The following CCR3 variants were observed in gnomAD, a reference collection of about 807,000 sequenced individuals.
CCR3 encodes C-C motif chemokine receptor 3, also known as C-C chemokine receptor type 3.
For missense variants in CCR3, 419 were observed against 437.5 expected (o/e 0.96, Z 0.38); for synonymous variants, 203 against 179.2 (o/e 1.13, Z -1.06).
At chr3:46,218,432 C>T (rs1699799967) in intron 2 of CCR3, among the ~76,000 whole-genome samples, 2 of 152,072 alleles carry the variant, frequency 1.3e-5, no homozygotes, top group East Asian at 1.9e-4. Flanking sequence ...GACACTATTC[C>T]AAAAGATAGA....
At chr3:46,234,588 T>C (rs1472927993) in intron 2 of CCR3, among the ~76,000 whole-genome samples, 2 of 152,034 alleles carry the variant, frequency 1.3e-5, no homozygotes, top group Non-Finnish European at 2.9e-5. Flanking sequence ...GTCTTGCAAT[T>C]GATGAGCACT....
chr3:46,242,763 T>C (rs1381785128), intron 1 of CCR3, among the ~76,000 whole-genome samples: 1 of 151,802 alleles, frequency 6.6e-6, no homozygotes, highest in Non-Finnish European at 1.5e-5. Flanking sequence ...CACACAATGA[T>C]AAGTTTGCGT....
At chr3:46,254,009 T>C (rs764061353) in intron 1 of CCR3, among the ~76,000 whole-genome samples, 4 of 152,174 alleles carry the variant, frequency 2.6e-5, no homozygotes, top group Non-Finnish European at 4.4e-5. Context: ...ATAGAAAGAT[T>C]TCCAAGACAT....
chr3:46,251,114 G>A (rs1420743151), intron 1 of CCR3, among the ~76,000 whole-genome samples: 1 of 152,044 alleles, frequency 6.6e-6, no homozygotes, highest in Non-Finnish European at 1.5e-5. Flanking sequence ...GAGAGAAGGG[G>A]TTGAGGTACT....
At chr3:46,217,617 G>T (rs1031863055) in intron 2 of CCR3, among the ~76,000 whole-genome samples, 5 of 151,984 alleles carry the variant, frequency 3.3e-5, no homozygotes, top group African/African-American at 1.2e-4. Flanking sequence ...CAAGTACTCC[G>T]TCAGACCACA....
At chr3:46,246,806 G>A (rs549572311) in intron 1 of CCR3, among the ~76,000 whole-genome samples, 14 of 152,216 alleles carry the variant, frequency 9.2e-5, no homozygotes, top group Admixed American at 5.2e-4. Context: ...TTGGAGGGTG[G>A]TATGGAGAGA....
intron 1 of CCR3, among the ~76,000 whole-genome samples, chr3:46,245,562 T>G (rs1700173709): frequency 6.6e-6 from 1 of 152,044 alleles, no homozygotes; most frequent in Non-Finnish European, 1.5e-5. Flanking sequence ...TTTTCCTTTT[T>G]TTTAACTTTT....
rs1700244707 is a variant in CCR3, at chr3:46,248,584, C to T, written c.-12+6046C>T. ...TCGGACAGGATCAGCAGGGAGAGCA[C>T]GTGTGTTTTTATGAGAATTATGCCG... is the stretch of plus-strand genomic sequence containing the variant. On this transcript the variant is annotated intron_variant, in intron 1 of 1. Coordinates refer to ENST00000395940, the MANE Select transcript of CCR3 (RefSeq NM_178329.3). Among the ~76,000 whole-genome samples, 2 of 152,118 alleles carry T rather than the reference C, an allele frequency of 1.3e-5. 1 individual carries two copies. Among genetic ancestry groups the T allele is most frequent in the Non-Finnish European group, 2.9e-5 (2 of 68,014 alleles).
chr3:46,254,461 T>A (rs1481398778), intron 1 of CCR3, among the ~76,000 whole-genome samples: 1 of 149,024 alleles, frequency 6.7e-6, no homozygotes, highest in African/African-American at 2.5e-5. Context: ...GGGAAGTATT[T>A]TTCCCCCCTG....
At chr3:46,229,638 ATTATGGGAGTTATTTAACAGATGT>A (rs1222979094) in intron 2 of CCR3, among the ~76,000 whole-genome samples, 3 of 152,118 alleles carry the variant, frequency 2.0e-5, no homozygotes, top group Non-Finnish European at 4.4e-5. Context: ...TTGAATCTTG[ATTATGGGAGTTATTTAACAGATGT>A]GTACAGCTGT....
upstream of CCR3, among the ~76,000 whole-genome samples, chr3:46,239,269 A>C (rs1700054160): frequency 6.6e-6 from 1 of 152,228 alleles, no homozygotes; most frequent in African/African-American, 2.4e-5. Flanking sequence ...TAAAAATCTT[A>C]TGCATGTAGC....
At chr3:46,256,220 A>T (rs9832730) in intron 1 of CCR3, among the ~76,000 whole-genome samples, 10,617 of 152,208 alleles carry the variant, frequency 0.07, 464 homozygotes, top group South Asian at 0.19. Context: ...TCACTGAATC[A>T]TGCTGACAAT....
At chr3:46,213,886 T>C (rs764955863) in intron 2 of CCR3, among the ~76,000 whole-genome samples, 4 of 152,280 alleles carry the variant, frequency 2.6e-5, no homozygotes, top group Admixed American at 6.5e-5. Context: ...ATCTTAAAAA[T>C]CCATGAGCCA....
chr3:46,266,004 C>T lies in CCR3; in HGVS notation c.846C>T (p.Val282=), dbSNP rs1190883879. 2 of 1,614,080 alleles carry T rather than the reference C, an allele frequency of 1.2e-6. No individual in the cohort carries two copies. Among genetic ancestry groups the T allele is most frequent in the Non-Finnish European group, 1.7e-6 (2 of 1,179,974 alleles). ...AGCGGAGCAAGCATCTGGACCTGGT[C>T]ATGCTGGTGACAGAGGTGATCGCCT... is the stretch of plus-strand genomic sequence containing the variant. ...DCERSKHLDL[V]MLVTEVIAYS... Residue 282 remains valine, a synonymous_variant, in exon 2 of 2, where the codon GTC becomes GTT. Transcript: ENST00000395940.
intron 2 of CCR3, among the ~76,000 whole-genome samples, chr3:46,214,392 T>G (rs1220395113): frequency 6.6e-6 from 1 of 152,152 alleles, no homozygotes; most frequent in Non-Finnish European, 1.5e-5. Flanking sequence ...TCCCAACCTC[T>G]CTCACTCACT....
At chr3:46,243,010 C>CATATATATATATATATATATAT (rs1700122551) in intron 1 of CCR3, among the ~76,000 whole-genome samples, 6 of 58,140 alleles carry the variant, frequency 1.0e-4, no homozygotes, top group East Asian at 1.5e-3. Flanking sequence ...TATACGCACA[C>CATATATATATATATATATATAT]ACACATACAT....
intron 1 of CCR3, among the ~76,000 whole-genome samples, chr3:46,244,258 T>C (rs1199586731): frequency 6.6e-6 from 1 of 152,258 alleles, no homozygotes; most frequent in East Asian, 1.9e-4. Context: ...CTATACAATA[T>C]GTTGGAGTCA....
intron 2 of CCR3, among the ~76,000 whole-genome samples, chr3:46,221,990 C>G (rs532549917): frequency 6.6e-6 from 1 of 152,320 alleles, no homozygotes; most frequent in South Asian, 2.1e-4. Context: ...CAATTTCCCA[C>G]AGGCTTCCTC....
chr3:46,253,637 T>A lies in CCR3; in HGVS notation c.-12+11099T>A, dbSNP rs183461826. ...AAGATTAAATTTAACTAAGTTTACA[T>A]GCAGGAAGTTTCTTTATTAACCCCA... On this transcript the variant is annotated intron_variant, in intron 1 of 1. Coordinates refer to ENST00000395940, the MANE Select transcript of CCR3 (RefSeq NM_178329.3). 1.8e-4 allele frequency among the ~76,000 whole-genome samples: 27 copies of A among 151,600 alleles called. No homozygotes were observed. In the East Asian group the frequency reaches 5.1e-3, roughly 28 times the overall value.
Sources: allele counts gnomAD v4.1 joint callset (sites outside exome capture counted in the v4.1 genomes callset), GRCh38; gene constraint gnomAD v4.1.1; transcripts MANE v1.5; gene names NCBI Gene and HGNC (gene_info 2026-07-23, HGNC 2026-07-21).